The following NEXMIF variants were observed in gnomAD, a reference collection of about 807,000 sequenced individuals.
NEXMIF encodes neurite extension and migration factor, also known as XLMR protein related to neurite extension.
NEXMIF carries 8 observed loss-of-function variants against 62.1 expected under a neutral mutation model. The ratio of observed to expected loss-of-function variants is 0.13; its 90% confidence interval spans 0.08 to 0.23. The LOEUF (loss-of-function observed/expected upper bound fraction) is 0.23, where lower values mean the gene tolerates loss of function less well. Among genes scored for constraint, NEXMIF ranks in the 10% least tolerant of loss-of-function variants. The pLI is 1.00. For missense variants in NEXMIF, 976 were observed against 1,113.3 expected (o/e 0.88, Z 1.75); for synonymous variants, 404 against 416.6 (o/e 0.97, Z 0.37).
intron 1 of NEXMIF, among the ~76,000 whole-genome samples, chrX:74,770,839 T>A (rs1366491805): frequency 8.9e-6 from 1 of 112,360 alleles, no homozygotes; most frequent in African/African-American, 3.2e-5. Flanking sequence ...TTTTTATTTA[T>A]GAAAATAAGA....
intron 1 of NEXMIF, among the ~76,000 whole-genome samples, chrX:74,873,149 C>A (rs1462633382): frequency 6.4e-5 from 7 of 109,409 alleles, no homozygotes; most frequent in African/African-American, 2.3e-4. Context: ...CATCCCCCAA[C>A]CCCACAACAG....
At chrX:74,767,367 C>T (rs1308759426) in intron 1 of NEXMIF, among the ~76,000 whole-genome samples, 3 of 112,752 alleles carry the variant, frequency 2.7e-5, no homozygotes, top group Non-Finnish European at 5.6e-5. Flanking sequence ...GCAAAGATGG[C>T]GGCCTGTCCC....
chrX:74,850,579 A>C (rs1359617696), intron 1 of NEXMIF, among the ~76,000 whole-genome samples: 3 of 111,841 alleles, frequency 2.7e-5, no homozygotes, highest in Non-Finnish European at 5.6e-5. Flanking sequence ...ACCACACCCT[A>C]AGCTACTGAG....
intron 1 of NEXMIF, among the ~76,000 whole-genome samples, chrX:74,834,714 T>C (rs771293067): frequency 5.4e-5 from 6 of 112,088 alleles, no homozygotes; most frequent in Non-Finnish European, 1.1e-4. Flanking sequence ...TCTTTTCTCT[T>C]GCTGCTTTTA....
intron 1 of NEXMIF, among the ~76,000 whole-genome samples, chrX:74,806,219 T>A (rs1000790891): frequency 9.0e-6 from 1 of 111,190 alleles, no homozygotes; most frequent in African/African-American, 3.3e-5. Flanking sequence ...TGATGTTTTA[T>A]CTAAAAAGTT....
rs1475051223 is a variant in NEXMIF at position 74,918,024 on chromosome X, T to C, written c.-48+6859A>G. Among the ~76,000 whole-genome samples, 4 of 111,186 alleles carry C rather than the reference T, an allele frequency of 3.6e-5. No homozygotes were observed. The East Asian group carries it at 8.4e-4, about 23-fold the overall frequency. ...GCTAATCAGAAAAATGCTTGTACGG[T>C]AGCTGAGGGATGTGGCCCATAAATA... On this transcript the variant is annotated intron_variant, in intron 1 of 3. Transcript: ENST00000055682.
Position 74,744,897 on chromosome X carries a change from T to TTC in NEXMIF, c.80-422_80-421dup, listed in dbSNP as rs776035242. ...CTCTACAAGTTCCTTTTCTTTTCTT[T>TTC]TCTCTCTCTCTCTCTCTCTCTCTTC... On this transcript the variant is annotated intron_variant, in intron 2 of 3. Coordinates refer to ENST00000055682, the MANE Select transcript of NEXMIF (RefSeq NM_001008537.3). 3.7e-3 allele frequency among the ~76,000 whole-genome samples: 359 copies of TTC among 96,158 alleles called. 2 individuals carry two copies. The highest frequency in any genetic ancestry group is 0.01 in the African/African-American group (273 of 26,575). The allele number at this position is 96,158 out of a possible 115,157, so 83.5% of individuals were successfully genotyped here.
At chrX:74,853,116 G>A (rs1331782749) in intron 1 of NEXMIF, among the ~76,000 whole-genome samples, 2 of 110,378 alleles carry the variant, frequency 1.8e-5, no homozygotes, top group Non-Finnish European at 3.8e-5. Context: ...TTCAAGACAT[G>A]GACACACACA....
At chrX:74,772,590 T>C (rs1219138742) in intron 1 of NEXMIF, among the ~76,000 whole-genome samples, 1 of 112,479 alleles carries the variant, frequency 8.9e-6, no homozygotes, top group African/African-American at 3.2e-5. Context: ...TCAATTTCCA[T>C]GACCTGCTCC....
intron 1 of NEXMIF, among the ~76,000 whole-genome samples, chrX:74,851,259 G>A (rs2080512495): frequency 9.0e-6 from 1 of 111,262 alleles, no homozygotes; most frequent in Non-Finnish European, 1.9e-5. Flanking sequence ...TTGACCTTCA[G>A]TGTTCCAAAA....
intron 1 of NEXMIF, among the ~76,000 whole-genome samples, chrX:74,793,722 C>A (rs879239993): frequency 0.012 from 1,166 of 96,376 alleles, 25 homozygotes; most frequent in African/African-American, 0.042. Flanking sequence ...TCATTTCATT[C>A]ATTTCATCTT....
intron 1 of NEXMIF, among the ~76,000 whole-genome samples, chrX:74,814,517 G>A (rs1364638517): frequency 9.0e-6 from 1 of 111,591 alleles, no homozygotes; most frequent in Non-Finnish European, 1.9e-5. Flanking sequence ...CATGTGCCAG[G>A]TCTCTTGCTA....
intron 1 of NEXMIF, among the ~76,000 whole-genome samples, chrX:74,857,324 A>C (rs1446798528): frequency 8.9e-6 from 1 of 112,322 alleles, no homozygotes; most frequent in East Asian, 2.8e-4. Context: ...CTCCCTGCTC[A>C]GCCAAAGCAG....
chrX:74,879,686 T>G (rs1381770964), intron 1 of NEXMIF, among the ~76,000 whole-genome samples: 1 of 111,908 alleles, frequency 8.9e-6, no homozygotes, highest in Non-Finnish European at 1.9e-5. Context: ...CGAACACTGG[T>G]CTTAACATTT....
At chrX:74,909,750 A>C (rs60481867) in intron 1 of NEXMIF, among the ~76,000 whole-genome samples, 16,336 of 111,107 alleles carry the variant, frequency 0.15, 1,785 homozygotes, top group East Asian at 0.91. Context: ...GTTTTGTGGG[A>C]TAGGCCCAAG....
At chrX:74,921,614 G>A (rs187294866) in intron 1 of NEXMIF, among the ~76,000 whole-genome samples, 2 of 111,324 alleles carry the variant, frequency 1.8e-5, no homozygotes, top group African/African-American at 3.3e-5. Context: ...CATAGAGAAC[G>A]TAACAAGTGC....
chrX:74,739,501 G>C lies in NEXMIF; in HGVS notation c.4458-3C>G. The stretch of plus-strand genomic sequence containing the variant: ...TTAGGAGATTGTAGTCGGAATCCCT[G>C]CAGAAAAATCAAACAATTTATGCCA... On this transcript the variant is annotated splice_region_variant and splice_polypyrimidine_tract_variant and intron_variant, in intron 3 of 3. Coordinates refer to ENST00000055682, the MANE Select transcript of NEXMIF (RefSeq NM_001008537.3). 1 of 1,167,124 alleles carries C rather than the reference G, an allele frequency of 8.6e-7. No homozygotes were observed. The highest frequency in any genetic ancestry group is 1.8e-5 in the African/African-American group (1 of 56,151).
intron 1 of NEXMIF, among the ~76,000 whole-genome samples, chrX:74,867,933 T>G (rs1371588460): frequency 9.0e-6 from 1 of 111,518 alleles, no homozygotes; most frequent in Non-Finnish European, 1.9e-5. Context: ...TAAACAAATT[T>G]ATAAGAAACA....
In NEXMIF at chrX:74,743,435, C is replaced by G. The variant is rs2080114513; in HGVS notation, c.1122G>C (p.Gly374=). ...FKVPDVSIIW[G]EEDKNLDKKK... The stretch of plus-strand genomic sequence containing the variant: ...TCTTGTCCAAGTTTTTATCTTCCTC[C>G]CCCCAGATGATGCTCACATCAGGGA... The change falls in exon 3 of 4, where the codon GGG becomes GGC. Residue 374 remains glycine (G), a synonymous_variant. Coordinates refer to ENST00000055682, the MANE Select transcript of NEXMIF (RefSeq NM_001008537.3). 3 of 1,211,093 alleles carry G rather than the reference C, an allele frequency of 2.5e-6. No individual in the cohort carries two copies. The highest frequency in any genetic ancestry group is 3.4e-6 in the Non-Finnish European group (3 of 895,117).
Sources: gnomAD v4.1 joint callset for allele counts (sites outside exome capture counted in the v4.1 genomes callset) on GRCh38, gnomAD v4.1.1 for gene constraint, MANE v1.5 for transcripts, NCBI Gene and HGNC (gene_info 2026-07-23, HGNC 2026-07-21) for gene names.